Variants in FBXL20 observed in about 807,000 individuals in gnomAD.
The protein encoded by FBXL20 is F-box and leucine rich repeat protein 20, also known as F-box/LRR-repeat protein 20.
A neutral mutation model predicts 64.0 loss-of-function variants in FBXL20; 11 were observed. The ratio of observed to expected loss-of-function variants is 0.17; its 90% confidence interval spans 0.11 to 0.28. FBXL20 has a LOEUF of 0.28. FBXL20 is among the 10% of genes least tolerant of loss of function. The probability of loss-of-function intolerance (pLI) is 1.00; values close to 1 mark genes in which losing one functional copy is unlikely to be tolerated. For synonymous variants in FBXL20, 184 were observed against 189.0 expected (o/e 0.97, Z 0.22); for missense variants, 303 against 526.2 (o/e 0.58, Z 4.15).
At chr17:39,343,776 A>G (rs1359778611) in intron 1 of FBXL20, among the ~76,000 whole-genome samples, 1 of 150,932 alleles carries the variant, frequency 6.6e-6, no homozygotes, top group Non-Finnish European at 1.5e-5. Flanking sequence ...GCTCACTGCA[A>G]CCTCCACTTC....
At chr17:39,348,027 A>T (rs1200214195) in intron 1 of FBXL20, among the ~76,000 whole-genome samples, 1 of 151,560 alleles carries the variant, frequency 6.6e-6, no homozygotes, top group Non-Finnish European at 1.5e-5. Flanking sequence ...ATCCCTCCTC[A>T]GAAGGCAGTC....
chr17:39,267,079 C>A (rs912346851), intron 12 of FBXL20, among the ~76,000 whole-genome samples: 1 of 151,794 alleles, frequency 6.6e-6, no homozygotes, highest in Non-Finnish European at 1.5e-5. Flanking sequence ...ATGTTGAAAC[C>A]CTGTCTCTAC....
intron 1 of FBXL20, among the ~76,000 whole-genome samples, chr17:39,389,669 T>C (rs1305091660): frequency 6.6e-6 from 1 of 151,930 alleles, no homozygotes; most frequent in African/African-American, 2.4e-5. Context: ...ATACAAAAAA[T>C]TAGCCAGGTG....
At chr17:39,321,585 C>T (rs534837963) in intron 2 of FBXL20, among the ~76,000 whole-genome samples, 33 of 151,810 alleles carry the variant, frequency 2.2e-4, no homozygotes, top group African/African-American at 7.7e-4. Context: ...TGAGACCAGC[C>T]TGGCCAACAT....
At chr17:39,293,099 T>G (rs1317365010) in intron 6 of FBXL20, among the ~76,000 whole-genome samples, 1 of 151,966 alleles carries the variant, frequency 6.6e-6, no homozygotes, top group Non-Finnish European at 1.5e-5. Flanking sequence ...GGCCAACATG[T>G]CTTACAATTT....
At chr17:39,269,531 G>A (rs1176763275) in intron 11 of FBXL20, among the ~76,000 whole-genome samples, 4 of 108,806 alleles carry the variant, frequency 3.7e-5, no homozygotes, top group African/African-American at 3.7e-5. Context: ...ACAGAGTTTC[G>A]CTCGTTGCCC....
intron 12 of FBXL20, among the ~76,000 whole-genome samples, chr17:39,266,955 A>C (rs1457591341): frequency 6.6e-6 from 1 of 152,174 alleles, no homozygotes; most frequent in Non-Finnish European, 1.5e-5. Flanking sequence ...TAGAAATTCA[A>C]GACCAGTCTG....
chr17:39,382,942 G>A (rs1417006596), intron 1 of FBXL20, among the ~76,000 whole-genome samples: 1 of 151,836 alleles, frequency 6.6e-6, no homozygotes, highest in African/African-American at 2.4e-5. Flanking sequence ...AGATCACAAG[G>A]TCAAGAGATG....
At chr17:39,278,451 C>A (rs1448464441) in intron 9 of FBXL20, among the ~76,000 whole-genome samples, 1 of 151,376 alleles carries the variant, frequency 6.6e-6, no homozygotes, top group Non-Finnish European at 1.5e-5. Flanking sequence ...CACATACACA[C>A]GAAGCTCTCC....
intron 14 of FBXL20, among the ~76,000 whole-genome samples, chr17:39,262,708 T>A (rs374974238): frequency 1.3e-5 from 2 of 152,074 alleles, no homozygotes; most frequent in East Asian, 3.9e-4. Flanking sequence ...TTTTTAAAAC[T>A]TCTTTTTCGG....
chr17:39,401,824 C>T, upstream of FBXL20: 3 of 633,314 alleles, frequency 4.7e-6, no homozygotes, highest in Non-Finnish European at 4.1e-6. Context: ...GCAGCCGGTG[C>T]GCGGCGGCGG....
intron 2 of FBXL20, among the ~76,000 whole-genome samples, chr17:39,328,150 C>T (rs921870569): frequency 1.4e-5 from 2 of 142,066 alleles, no homozygotes; most frequent in South Asian, 2.3e-4. Flanking sequence ...TGGGAGGCTG[C>T]GGCAGGAGAA....
intron 1 of FBXL20, among the ~76,000 whole-genome samples, chr17:39,369,425 T>C (rs1299956337): frequency 6.6e-6 from 1 of 151,752 alleles, no homozygotes; most frequent in African/African-American, 2.4e-5. Flanking sequence ...GCCCAGGTAA[T>C]ATTTGTATTT....
At chr17:39,396,591 C>T (rs1244730535) in intron 1 of FBXL20, among the ~76,000 whole-genome samples, 7 of 127,036 alleles carry the variant, frequency 5.5e-5, no homozygotes, top group Non-Finnish European at 9.7e-5. Flanking sequence ...AGCGAAACTC[C>T]GTCTCAAAAA....
rs34095802 is a variant in FBXL20 at position 39,277,754 on chromosome 17, CAAAAAAAAAAA to C, written c.697-2665_697-2655del. 3.3e-5 allele frequency among the ~76,000 whole-genome samples: 3 copies of C among 89,904 alleles called. No homozygotes were observed. In the South Asian group the frequency reaches 1.1e-3, roughly 34 times the overall value. 59.0% of individuals were successfully genotyped at this position (89,904 alleles called of 152,430 possible). The stretch of plus-strand genomic sequence containing the variant: ...GGGCAACAAGAGCAAAACTCCGTCT[CAAAAAAAAAAA>C]AAAAAAAAAAGTAAAATTTACTAAA... On this transcript the variant is annotated intron_variant, in intron 9 of 14. Coordinates refer to ENST00000264658, the MANE Select transcript of FBXL20 (RefSeq NM_032875.3).
At chr17:39,319,673 CAAAAAAAAA>C (rs71300077) in intron 2 of FBXL20, among the ~76,000 whole-genome samples, 3 of 47,308 alleles carry the variant, frequency 6.3e-5, no homozygotes, top group Non-Finnish European at 1.2e-4. Context: ...GACTCCATAT[CAAAAAAAAA>C]AAAAAAAAAA....
chr17:39,343,353 G>C (rs1176223247), intron 1 of FBXL20, 112 bp from the exon 2 acceptor site: 3 of 657,034 alleles, frequency 4.6e-6, no homozygotes, highest in East Asian at 3.1e-5. Context: ...AATATAGTCG[G>C]CATCATAAAC....
At chr17:39,357,553 CCTTTATTT>C (rs149160440) in intron 1 of FBXL20, among the ~76,000 whole-genome samples, 1,623 of 152,184 alleles carry the variant, frequency 0.011, 25 homozygotes, top group African/African-American at 0.037. Flanking sequence ...CGCGAAACCC[CCTTTATTT>C]CTTGAGACAG....
intron 2 of FBXL20, among the ~76,000 whole-genome samples, chr17:39,306,467 A>G (rs1337905867): frequency 1.3e-5 from 2 of 152,120 alleles, no homozygotes; most frequent in African/African-American, 4.8e-5. Flanking sequence ...TTATAATTTT[A>G]GTTCTTAGAT....
Sources: gnomAD v4.1 joint callset for allele counts (sites outside exome capture counted in the v4.1 genomes callset) on GRCh38, gnomAD v4.1.1 for gene constraint, MANE v1.5 for transcripts, NCBI Gene and HGNC (gene_info 2026-07-23, HGNC 2026-07-21) for gene names.